Variants in CNBD1 observed in about 807,000 individuals in gnomAD.
CNBD1 encodes the protein cyclic nucleotide binding domain containing 1.
A neutral mutation model predicts 54.4 loss-of-function variants in CNBD1; 71 were observed. The observed-to-expected ratio is 1.30, with a 90% CI of 1.08 to 1.59. The LOEUF (loss-of-function observed/expected upper bound fraction) is 1.59. Ranked by LOEUF, CNBD1 falls within the 40% of genes most tolerant of loss-of-function variation. The pLI, the probability that CNBD1 is intolerant of heterozygous loss-of-function variation, is 0.00. For synonymous variants in CNBD1, 182 were observed against 170.7 expected, an observed-to-expected ratio of 1.07 and a Z score of -0.51; for missense variants, 659 against 518.0, an observed-to-expected ratio of 1.27 and a Z score of -2.64.
chr8:87,121,058 A>G (rs1730362412), intron 4 of CNBD1, among the ~76,000 whole-genome samples: 1 of 151,866 alleles, frequency 6.6e-6, no homozygotes, highest in African/African-American at 2.4e-5. Flanking sequence ...TTTATATTAA[A>G]TTCAGTTTGA....
intron 4 of CNBD1, among the ~76,000 whole-genome samples, chr8:87,036,804 A>G (rs1328737606): frequency 2.0e-5 from 3 of 151,942 alleles, no homozygotes; most frequent in Non-Finnish European, 4.4e-5. Flanking sequence ...ATAACATATC[A>G]TTTTTTTCCC....
intron 8 of CNBD1, among the ~76,000 whole-genome samples, chr8:87,342,958 G>T (rs1810097527): frequency 6.6e-6 from 1 of 152,110 alleles, no homozygotes; most frequent in Non-Finnish European, 1.5e-5. Flanking sequence ...AAGCCTGAGG[G>T]TACTGCAGGA....
At chr8:86,925,085 T>C (rs567822700) in intron 3 of CNBD1, among the ~76,000 whole-genome samples, 56 of 152,316 alleles carry the variant, frequency 3.7e-4, no homozygotes, top group African/African-American at 1.3e-3. Flanking sequence ...GATGACAGGA[T>C]TTCAATATTG....
At chr8:87,312,034 A>G (rs114063786) in intron 8 of CNBD1, among the ~76,000 whole-genome samples, 215 of 152,180 alleles carry the variant, frequency 1.4e-3, no homozygotes, top group African/African-American at 4.8e-3. Flanking sequence ...ATTGTACCCC[A>G]AACCACAGCA....
At chr8:87,173,318 A>G (rs894387215) in intron 4 of CNBD1, among the ~76,000 whole-genome samples, 2 of 152,298 alleles carry the variant, frequency 1.3e-5, no homozygotes, top group Admixed American at 1.3e-4. Flanking sequence ...GAGTTTACAC[A>G]CCACAATTAC....
intron 4 of CNBD1, among the ~76,000 whole-genome samples, chr8:87,118,870 C>G (rs1811834031): frequency 6.6e-6 from 1 of 152,142 alleles, no homozygotes; most frequent in Non-Finnish European, 1.5e-5. Flanking sequence ...TTTCTTTATA[C>G]TTTATTTTCA....
chr8:87,272,188 G>A (rs1808381431), intron 6 of CNBD1, among the ~76,000 whole-genome samples: 1 of 151,882 alleles, frequency 6.6e-6, no homozygotes. Context: ...GATGATTATA[G>A]TTAACATTAA....
chr8:87,386,454 C>T (rs1408594268), downstream of CNBD1, among the ~76,000 whole-genome samples: 1 of 152,064 alleles, frequency 6.6e-6, no homozygotes, highest in African/African-American at 2.4e-5. Flanking sequence ...GGCACGAGAA[C>T]TATGTGACGA....
chr8:87,155,243 A>T (rs1157793197), intron 4 of CNBD1, among the ~76,000 whole-genome samples: 1 of 152,132 alleles, frequency 6.6e-6, no homozygotes, highest in African/African-American at 2.4e-5. Context: ...AGGAGGTGAT[A>T]TGTGTTGACC....
intron 4 of CNBD1, among the ~76,000 whole-genome samples, chr8:87,055,948 A>T (rs1025964831): frequency 1.4e-5 from 2 of 143,630 alleles, no homozygotes; most frequent in Admixed American, 1.4e-4. Context: ...CCTTCCTTCC[A>T]AAAACTTCAG....
chr8:87,321,891 G>A (rs1208493109), intron 8 of CNBD1, among the ~76,000 whole-genome samples: 2 of 148,152 alleles, frequency 1.3e-5, no homozygotes, highest in African/African-American at 5.0e-5. Context: ...CCATGCTGGT[G>A]TGCTGCACCC....
chr8:86,997,174 T>C (rs1213081713), intron 4 of CNBD1, among the ~76,000 whole-genome samples: 1 of 151,690 alleles, frequency 6.6e-6, no homozygotes, highest in Non-Finnish European at 1.5e-5. Context: ...GAGTACATAC[T>C]GTGTAATTAA....
chr8:87,063,875 A>G (rs559486637), intron 4 of CNBD1, among the ~76,000 whole-genome samples: 183 of 152,080 alleles, frequency 1.2e-3, no homozygotes, highest in African/African-American at 4.1e-3. Context: ...TATAAATGAT[A>G]TATTTAAAAA....
intron 6 of CNBD1, among the ~76,000 whole-genome samples, chr8:87,281,856 A>G (rs915034219): frequency 9.9e-5 from 15 of 151,220 alleles, no homozygotes; most frequent in Non-Finnish European, 1.9e-4. Flanking sequence ...GGTGGATAAA[A>G]ACCATGTGGT....
At chr8:87,368,647 G>T (rs1810693421) in intron 10 of CNBD1, among the ~76,000 whole-genome samples, 1 of 151,724 alleles carries the variant, frequency 6.6e-6, no homozygotes, top group South Asian at 2.1e-4. Flanking sequence ...AAAAAGAGAG[G>T]GAGAGAGAGT....
chr8:87,411,532 G>A (rs566515942), intron 2 of CNBD1, among the ~76,000 whole-genome samples: 2 of 149,454 alleles, frequency 1.3e-5, no homozygotes, highest in Non-Finnish European at 3.0e-5. Context: ...CCATTTCTTG[G>A]AAATATGTTA....
At chr8:87,201,326 A>C (rs1563505434) in intron 4 of CNBD1, among the ~76,000 whole-genome samples, 1 of 152,204 alleles carries the variant, frequency 6.6e-6, no homozygotes. Context: ...AGGAAAATAC[A>C]AAGATATCTA....
chr8:87,420,515 A>G (rs965352466), intron 2 of CNBD1, among the ~76,000 whole-genome samples: 11 of 152,208 alleles, frequency 7.2e-5, no homozygotes, highest in South Asian at 4.1e-4. Context: ...AAGTTTTATT[A>G]CATGTCAAAG....
At chr8:87,135,225 T>C (rs1238293379) in intron 4 of CNBD1, among the ~76,000 whole-genome samples, 2 of 151,920 alleles carry the variant, frequency 1.3e-5, no homozygotes, top group African/African-American at 2.4e-5. Context: ...GTACTGTCTA[T>C]TAGAACATTT....
Sources: allele counts gnomAD v4.1 joint callset (sites outside exome capture counted in the v4.1 genomes callset), GRCh38; gene constraint gnomAD v4.1.1; transcripts MANE v1.5; gene names NCBI Gene and HGNC (gene_info 2026-07-23, HGNC 2026-07-21).